The following CLN6 variants were observed in gnomAD, a reference collection of about 807,000 sequenced individuals.
CLN6 encodes the protein ceroid-lipofuscinosis neuronal protein 6.
In CLN6, 22 loss-of-function variants were observed where a neutral mutation model predicts 33.3. The ratio of observed to expected loss-of-function variants is 0.66; its 90% CI spans 0.47 to 0.94. CLN6 has a LOEUF of 0.94. Among genes scored for constraint, CLN6 ranks in the 40% least tolerant of loss-of-function variants. The pLI, the probability that CLN6 is intolerant of heterozygous loss-of-function variation, is 0.00. For missense variants in CLN6, 387 were observed against 417.1 expected, an observed-to-expected ratio of 0.93 and a Z score of 0.63; for synonymous variants, 201 against 174.6, an observed-to-expected ratio of 1.15 and a Z score of -1.19.
intron 1 of CLN6, among the ~76,000 whole-genome samples, chr15:68,222,816 A>G (rs1057065968): frequency 6.6e-6 from 1 of 152,236 alleles, no homozygotes; most frequent in Non-Finnish European, 1.5e-5. Context: ...CTGTTAGTCT[A>G]TAACCTTACC....
rs1453453953 is a variant in CLN6 at position 68,210,569 on chromosome 15, C to A, written c.542+694G>T. 1.3e-5 allele frequency among the ~76,000 whole-genome samples: 2 copies of A among 152,206 alleles called. No individual in the cohort carries two copies. The highest frequency in any genetic ancestry group is 2.9e-5 in the Non-Finnish European group (2 of 68,030). On this transcript the variant is annotated intron_variant, in intron 5 of 6. Transcript: ENST00000249806. This position sits in a 1 kb window ranked among gnomAD's most constrained non-coding sequence, Gnocchi z 5.6. ...GAGCCGGGTCCAGGGCTGGCCCTCA[C>A]CTCCCAGCTGCAGCCTTCGGAGCCC...
Position 68,208,499 on chromosome 15 carries a change from T to C in CLN6, c.666-89A>G. On this transcript the variant is annotated intron_variant, in intron 6 of 6. Transcript: ENST00000249806. This position sits in a 1 kb window ranked among gnomAD's most constrained non-coding sequence, Gnocchi z 5.8. ...CCTGTGTGCGAGAGCCAGGCTGCCC[T>C]CCAGGCAGGCAGAAGAGTCCTCTGG... 1.4e-6 allele frequency: 2 copies of C among 1,479,658 alleles called. No homozygotes were observed. The highest frequency in any genetic ancestry group is 1.9e-6 in the Non-Finnish European group (2 of 1,074,726). The allele number at this position is 1,479,658 out of a possible 1,614,324, so 91.7% of individuals were successfully genotyped here. A position where few individuals can be genotyped will look rare whatever the true frequency, so the allele number is the denominator to read the frequency against.
At position 68,247,351 on chromosome 15, in the gene CLN6, A is replaced by G. The variant is rs1380838242; in HGVS notation, c.179+9339T>C. 6.6e-6 allele frequency among the ~76,000 whole-genome samples: 1 copy of G among 152,202 alleles called. No homozygotes were observed. On this transcript the variant is annotated intron_variant, in intron 1 of 6. Transcript: ENST00000538696. This position sits in a 1 kb window ranked among gnomAD's most constrained non-coding sequence, Gnocchi z 4.2. ...AAATCAACAGACAAAAATCTGTAGC[A>G]TTTCTATCCAATAATGAACTAGCAG...
rs563971194 is a variant in CLN6, at chr15:68,241,935, A to G, written c.179+14755T>C. ...CAAATAAGAAATTCAGCAGTATATT[A>G]CAAAGACTCTATAAGCAAACATACC... On this transcript the variant is annotated intron_variant, in intron 1 of 6. Coordinates refer to the CLN6 transcript ENST00000538696. This position sits in a 1 kb window ranked among gnomAD's most constrained non-coding sequence, Gnocchi z 4.2. 2.4e-4 allele frequency among the ~76,000 whole-genome samples: 37 copies of G among 152,372 alleles called. 2 individuals are homozygous for G. In the South Asian group the frequency reaches 7.7e-3, roughly 32 times the overall value.
chr15:68,209,783 T>TA lies in CLN6; in HGVS notation c.543-25dup, dbSNP rs1211306030. ...ACCTGTGACAGGAAGGCCAGTGTCTTAGAGGCCTGCTCAGCGGCCCTCTTC... is the reference window on the plus strand; with the variant it reads ...ACCTGTGACAGGAAGGCCAGTGTCTTAAGAGGCCTGCTCAGCGGCCCTCTTC... On this transcript the variant is annotated intron_variant, in intron 5 of 6. Transcript: ENST00000249806. The surrounding 1 kb of genome is among the most constrained non-coding windows in gnomAD (Gnocchi z 4.9). 1 of 1,611,802 alleles carries TA rather than the reference T, an allele frequency of 6.2e-7. No individual in the cohort carries two copies. Among genetic ancestry groups the TA allele is most frequent in the Non-Finnish European group, 8.5e-7 (1 of 1,179,180 alleles).
At chr15:68,248,325 A>T (rs915229733) in intron 1 of CLN6, 3 of 151,920 alleles carry the variant, frequency 2.0e-5, no homozygotes, top group African/African-American at 7.3e-5. Flanking sequence ...CATACACAAA[A>T]ATCAAATCAA....
chr15:68,224,204 T>C (rs1250580103), intron 1 of CLN6, among the ~76,000 whole-genome samples: 1 of 137,416 alleles, frequency 7.3e-6, no homozygotes, highest in Non-Finnish European at 1.5e-5. Context: ...AGGTCAAGGC[T>C]GCAGTGAGCT....
At chr15:68,235,575 AAAAT>A (rs1892211170) in intron 1 of CLN6, among the ~76,000 whole-genome samples, 3 of 135,222 alleles carry the variant, frequency 2.2e-5, no homozygotes, top group African/African-American at 8.7e-5. Context: ...GTCTAAAAAA[AAAAT>A]AAAAATAAAT....
In CLN6 at chr15:68,211,781, T is replaced by C. The variant is rs1595818308; in HGVS notation, c.380A>G (p.His127Arg). 6.2e-7 allele frequency: 1 copy of C among 1,613,876 alleles called. No homozygotes were observed. The highest frequency in any genetic ancestry group is 1.3e-5 in the African/African-American group (1 of 74,970). Reference protein sequence around the residue: ...IIIFIMGASIHLVGDSVNHRL... With the variant: ...IIIFIMGASIRLVGDSVNHRL... ...GTGGTTGACAGAGTCACCCACCAGG[T>C]GGATGCTGGCACCCATGATGAAGAT... The change falls in exon 4 of 7, where the codon CAC becomes CGC. Residue 127 changes from histidine (H) to arginine (R), a missense_variant. By Grantham distance (29) the His-to-Arg change is conservative (BLOSUM62 0). Transcript: ENST00000249806. The surrounding 1 kb of genome is among the most constrained non-coding windows in gnomAD (Gnocchi z 5.9).
rs1892217223 is a variant in CLN6, at chr15:68,236,010, T to C, written c.180-17360A>G. Among the ~76,000 whole-genome samples the C allele has an allele frequency of 6.6e-6, 1 of 152,152 alleles. No individual in the cohort carries two copies. Among genetic ancestry groups the C allele is most frequent in the Admixed American group, 6.5e-5 (1 of 15,276 alleles). ...CTAAGCTTTTTGGTTATTGAAATGA[T>C]TGAATAGCAGATTTAAAATAACTAG... On this transcript the variant is annotated intron_variant, in intron 1 of 6. Transcript: ENST00000538696. This position sits in a 1 kb window ranked among gnomAD's most constrained non-coding sequence, Gnocchi z 4.5.
rs1892439244 is a variant in CLN6 at position 68,256,583 on chromosome 15, C to T, written c.179+107G>A. 5 of 553,396 alleles carry T rather than the reference C, an allele frequency of 9.0e-6. No individual in the cohort carries two copies. Among genetic ancestry groups the T allele is most frequent in the Admixed American group, 3.1e-5 (1 of 32,446 alleles). 34.3% of individuals were successfully genotyped at this position (553,396 alleles called of 1,614,324 possible). On this transcript the variant is annotated intron_variant, in intron 1 of 6. Transcript: ENST00000538696. This position sits in a 1 kb window ranked among gnomAD's most constrained non-coding sequence, Gnocchi z 4.1. Reference sequence around the variant, plus strand: ...CAATACTCTCTTTGGGATCCCCACACACGTGGCTGGCTTCAGGGGTGTGGG... The same window carrying T: ...CAATACTCTCTTTGGGATCCCCACATACGTGGCTGGCTTCAGGGGTGTGGG...
intron 1 of CLN6, among the ~76,000 whole-genome samples, chr15:68,237,050 G>A (rs1171513522): frequency 3.3e-5 from 5 of 151,064 alleles, no homozygotes; most frequent in Non-Finnish European, 5.9e-5. Flanking sequence ...CCAGCTACTC[G>A]GGAGGCTGAG....
intron 1 of CLN6, among the ~76,000 whole-genome samples, chr15:68,243,773 CA>C (rs1023549607): frequency 2.9e-5 from 4 of 137,620 alleles, no homozygotes; most frequent in African/African-American, 1.1e-4. Context: ...AAAAAAAACA[CA>C]AAAAAAAGGA....
intron 1 of CLN6, among the ~76,000 whole-genome samples, chr15:68,237,679 A>G (rs1369814949): frequency 6.6e-6 from 1 of 152,218 alleles, no homozygotes; most frequent in Non-Finnish European, 1.5e-5. Context: ...GTAGAATGAG[A>G]AAGTCTAAAA....
intron 1 of CLN6, among the ~76,000 whole-genome samples, chr15:68,245,917 T>C (rs1210201088): frequency 1.3e-5 from 2 of 152,120 alleles, no homozygotes; most frequent in African/African-American, 2.4e-5. Flanking sequence ...AGATTAGCTA[T>C]ACTTATATTA....
chr15:68,208,094 G>GGCCCCCCCCCCCCC lies in CLN6; in HGVS notation c.*45_*46insGGGGGGGGGGGGGC. On this transcript the variant is annotated 3_prime_UTR_variant, in exon 7 of 7. Coordinates refer to ENST00000249806, the MANE Select transcript of CLN6 (RefSeq NM_017882.3). The surrounding 1 kb of genome is among the most constrained non-coding windows in gnomAD (Gnocchi z 5.8). ...CTCCTGTATTCAGATGCCCTCCATG[G>GGCCCCCCCCCCCCC]CCCACCCTCCCACCCAGCAGAGCGC... 1.4e-5 allele frequency: 19 copies of GGCCCCCCCCCCCCC among 1,375,268 alleles called. No homozygotes were observed. The highest frequency in any genetic ancestry group is 2.9e-5 in the African/African-American group (2 of 69,478). The allele number at this position is 1,375,268 out of a possible 1,614,324, so 85.2% of individuals were successfully genotyped here.
chr15:68,234,744 C>T lies in CLN6; in HGVS notation c.180-16094G>A, dbSNP rs1210965564. On this transcript the variant is annotated intron_variant, in intron 1 of 6. Coordinates refer to the CLN6 transcript ENST00000538696. This position sits in a 1 kb window ranked among gnomAD's most constrained non-coding sequence, Gnocchi z 4.1. The stretch of plus-strand genomic sequence containing the variant: ...CTTAACAGTTGACAAAGGCCGGGCG[C>T]GGTGGCTCACGCATGTAATCCCAGC... Among the ~76,000 whole-genome samples the T allele has an allele frequency of 1.3e-5, 2 of 152,170 alleles. No individual in the cohort carries two copies. The highest frequency in any genetic ancestry group is 2.4e-5 in the African/African-American group (1 of 41,444).
chr15:68,220,820 A>G lies in CLN6; in HGVS notation c.84-2170T>C, dbSNP rs2093233711. The stretch of plus-strand genomic sequence containing the variant: ...TTAATTCAAGACCTGTGCTCTTAAT[A>G]GCTTGCTATTCTGTTTTTTTGTTTT... On this transcript the variant is annotated intron_variant, in intron 1 of 6. Transcript: ENST00000249806. The surrounding 1 kb of genome is among the most constrained non-coding windows in gnomAD (Gnocchi z 4.2). Among the ~76,000 whole-genome samples, 1 of 152,114 alleles carries G rather than the reference A, an allele frequency of 6.6e-6. No individual in the cohort carries two copies. The highest frequency in any genetic ancestry group is 1.5e-5 in the Non-Finnish European group (1 of 68,022).
chr15:68,217,881 C>G (rs892819430), intron 2 of CLN6, among the ~76,000 whole-genome samples: 2 of 71,694 alleles, frequency 2.8e-5, no homozygotes, highest in African/African-American at 1.0e-4. Flanking sequence ...ATCTACCTAC[C>G]TACCTACCTA....
Sources: gnomAD v4.1 joint callset for allele counts (sites outside exome capture counted in the v4.1 genomes callset) on GRCh38, gnomAD v4.1.1 for gene constraint, Gnocchi (gnomAD v3.1) non-coding constraint, MANE v1.5 for transcripts, NCBI Gene and HGNC (gene_info 2026-07-23, HGNC 2026-07-21) for gene names.